LOC400499: variants seen among roughly 807,000 people sequenced by gnomAD.
At chr16:11,500,929 G>C in the LOC400499 span, 1 of 399,108 alleles carries the variant, frequency 2.5e-6, no homozygotes. Context: ...CCCACACAGT[G>C]CTCCGTCCCA....
At chr16:11,454,996 G>C in the LOC400499 span, among the ~76,000 whole-genome samples, 1 of 152,120 alleles carries the variant, frequency 6.6e-6, no homozygotes, top group Non-Finnish European at 1.5e-5. Flanking sequence ...AAAACTAATT[G>C]AAGTCAATGA....
At chr16:11,493,826 G>T in the LOC400499 span, 2 of 307,964 alleles carry the variant, frequency 6.5e-6, no homozygotes, top group Non-Finnish European at 1.1e-5. Flanking sequence ...GGACCATGAG[G>T]GGCAGTGGCG....
the LOC400499 span, chr16:11,391,838 G>A: frequency 1.6e-6 from 2 of 1,231,936 alleles, no homozygotes; most frequent in Non-Finnish European, 1.0e-6. Context: ...CTGCCACGCC[G>A]TCCAGGGTGC....
the LOC400499 span, chr16:11,425,377 G>A: frequency 5.0e-6 from 2 of 399,288 alleles, no homozygotes; most frequent in Admixed American, 8.8e-5. Context: ...GCCTTCTCAT[G>A]CTGGTCCCGC....
chr16:11,525,715 G>T, the LOC400499 span, among the ~76,000 whole-genome samples: 21,432 of 152,174 alleles, frequency 0.14, 1,862 homozygotes, highest in African/African-American at 0.25. Context: ...CCAGCCTCCA[G>T]CCACCATGAC....
chr16:11,475,805 G>T, the LOC400499 span: 120,405 of 394,166 alleles, frequency 0.31, 19,915 homozygotes, highest in African/African-American at 0.47. Context: ...CTTGGCACAG[G>T]GGCAAATTCT....
chr16:11,492,628 C>CA, the LOC400499 span, among the ~76,000 whole-genome samples: 1 of 151,690 alleles, frequency 6.6e-6, no homozygotes, highest in South Asian at 2.1e-4. Context: ...ACTAAAATTA[C>CA]AAAAAAATTA....
chr16:11,401,650 T>G, the LOC400499 span, among the ~76,000 whole-genome samples: 1 of 152,180 alleles, frequency 6.6e-6, no homozygotes, highest in African/African-American at 2.4e-5. Context: ...GAGGTCGCGC[T>G]CCTCCTCCAC....
At chr16:11,439,631 G>A in the LOC400499 span, 4 of 398,892 alleles carry the variant, frequency 1.0e-5, no homozygotes, top group South Asian at 3.8e-4. Context: ...AGAGAGAGAT[G>A]CAGAACACTA....
chr16:11,382,983 C>T, the LOC400499 span, among the ~76,000 whole-genome samples: 105 of 152,194 alleles, frequency 6.9e-4, no homozygotes, highest in African/African-American at 2.4e-3. Flanking sequence ...ACAAGCACGC[C>T]TCCAGCATTT....
the LOC400499 span, among the ~76,000 whole-genome samples, chr16:11,395,360 GA>G: frequency 7.9e-5 from 12 of 152,216 alleles, no homozygotes; most frequent in African/African-American, 2.9e-4. Flanking sequence ...ATAAATCGGG[GA>G]TAGGGAAGCA....
the LOC400499 span, among the ~76,000 whole-genome samples, chr16:11,420,212 A>G: frequency 6.6e-6 from 1 of 151,570 alleles, no homozygotes; most frequent in Non-Finnish European, 1.5e-5. Flanking sequence ...CAACTATCAT[A>G]GAATGGATTA....
At chr16:11,494,995 G>A in the LOC400499 span, among the ~76,000 whole-genome samples, 2 of 152,168 alleles carry the variant, frequency 1.3e-5, no homozygotes, top group African/African-American at 4.8e-5. Flanking sequence ...GATCACCTGA[G>A]GTCAGGAGTT....
At chr16:11,384,225 C>CAGGCT in the LOC400499 span, 1 of 1,232,102 alleles carries the variant, frequency 8.1e-7, no homozygotes, top group Non-Finnish European at 1.0e-6. Context: ...CCTGCCAGGC[C>CAGGCT]AGGCTGAGCT....
chr16:11,414,194 A>G, the LOC400499 span: 1 of 397,962 alleles, frequency 2.5e-6, no homozygotes, highest in South Asian at 1.4e-4. Flanking sequence ...AGCGATTATG[A>G]ATGAAGCCTT....
At chr16:11,477,703 G>A in the LOC400499 span, 1 of 396,050 alleles carries the variant, frequency 2.5e-6, no homozygotes, top group Non-Finnish European at 4.4e-6. Context: ...CTTGGCACAG[G>A]TGTTCTGCAG....
At chr16:11,385,169 G>C in the LOC400499 span, 1 of 1,231,018 alleles carries the variant, frequency 8.1e-7, no homozygotes, top group South Asian at 4.1e-5. Flanking sequence ...AGGTCTCCAG[G>C]GGAGGCTCAG....
chr16:11,403,726 G>A, the LOC400499 span, among the ~76,000 whole-genome samples: 107 of 152,318 alleles, frequency 7.0e-4, no homozygotes, highest in African/African-American at 2.4e-3. Flanking sequence ...TCTTGTGGCT[G>A]CCCAGGCCAC....
chr16:11,410,944 A>G, the LOC400499 span, among the ~76,000 whole-genome samples: 4 of 152,194 alleles, frequency 2.6e-5, no homozygotes, highest in African/African-American at 9.7e-5. Context: ...TCCAGCTTCT[A>G]CAAGTGTGCC....
Sources: allele counts gnomAD v4.1 joint callset (sites outside exome capture counted in the v4.1 genomes callset), GRCh38; gene constraint gnomAD v4.1.1; transcripts MANE v1.5.